RBMS3: variants seen among roughly 807,000 people sequenced by gnomAD.
The protein encoded by RBMS3 is RNA-binding motif, single-stranded-interacting protein 3.
In RBMS3, 27 loss-of-function variants were observed where a neutral mutation model predicts 66.8. The ratio of observed to expected loss-of-function variants is 0.40; its 90% CI spans 0.30 to 0.56. The LOEUF (loss-of-function observed/expected upper bound fraction) is 0.56. Ranked by LOEUF, RBMS3 falls within the 20% of genes least tolerant of loss-of-function variation. RBMS3 has a pLI of 0.40. For missense variants in RBMS3, 513 were observed against 549.5 expected (o/e 0.93, Z 0.66); for synonymous variants, 188 against 183.0 (o/e 1.03, Z -0.22).
chr3:29,637,820 A>G (rs937883198), intron 4 of RBMS3, among the ~76,000 whole-genome samples: 10 of 151,898 alleles, frequency 6.6e-5, no homozygotes, highest in Admixed American at 1.3e-4. Flanking sequence ...CTCTTTATCA[A>G]ATAGGACTAA....
At chr3:29,916,738 A>G (rs2060647557) in intron 10 of RBMS3, among the ~76,000 whole-genome samples, 1 of 152,076 alleles carries the variant, frequency 6.6e-6, no homozygotes, top group African/African-American at 2.4e-5. Context: ...TTGTATTTCC[A>G]GAAAAAAATG....
At chr3:29,612,908 G>T (rs1030881012) in intron 4 of RBMS3, among the ~76,000 whole-genome samples, 1 of 152,036 alleles carries the variant, frequency 6.6e-6, no homozygotes, top group Non-Finnish European at 1.5e-5. Context: ...AAATTGCATA[G>T]GTATCATATT....
intron 5 of RBMS3, among the ~76,000 whole-genome samples, chr3:29,756,884 T>G (rs1256550007): frequency 6.6e-6 from 1 of 152,202 alleles, no homozygotes; most frequent in Non-Finnish European, 1.5e-5. Flanking sequence ...GTAGCCTCTC[T>G]GGGCTCACTA....
At chr3:29,797,686 G>A (rs566364880) in intron 6 of RBMS3, 6 of 152,172 alleles carry the variant, frequency 3.9e-5, no homozygotes, top group Non-Finnish European at 8.8e-5. Context: ...ATTTAAAGCT[G>A]TGAGGGTATT....
intron 5 of RBMS3, among the ~76,000 whole-genome samples, chr3:29,752,561 A>G (rs1433269534): frequency 6.6e-6 from 1 of 152,208 alleles, no homozygotes; most frequent in Non-Finnish European, 1.5e-5. Flanking sequence ...TCTTTAAGAC[A>G]ATTAATTGGA....
rs757979871 is a variant in RBMS3 at position 29,517,321 on chromosome 3, T to A, written c.307+28822T>A. 2.4e-3 allele frequency among the ~76,000 whole-genome samples: 270 copies of A among 111,594 alleles called. 1 individual carries two copies. The highest frequency in any genetic ancestry group is 4.9e-3 in the African/African-American group (119 of 24,502). The allele number at this position is 111,594 out of a possible 152,430, so 73.2% of individuals were successfully genotyped here. On this transcript the variant is annotated intron_variant, in intron 3 of 14. Coordinates refer to ENST00000383767, the MANE Select transcript of RBMS3 (RefSeq NM_001003793.3). ...TGTGTGTGTGTGTATATATATATAT[T>A]TTTTTTTTGTTTTTTTTTTGAAACA...
chr3:29,974,321 T>C (rs1246826327), intron 12 of RBMS3, among the ~76,000 whole-genome samples: 1 of 151,986 alleles, frequency 6.6e-6, no homozygotes, highest in Non-Finnish European at 1.5e-5. Context: ...GTTGGTACCT[T>C]ACAAATCTCC....
intron 8 of RBMS3, among the ~76,000 whole-genome samples, chr3:29,887,593 C>T (rs959457968): frequency 6.6e-6 from 1 of 151,690 alleles, no homozygotes; most frequent in African/African-American, 2.4e-5. Context: ...ACCTCTATTC[C>T]TTTATAAATT....
At chr3:29,980,722 T>A (rs1443012788) in intron 12 of RBMS3, among the ~76,000 whole-genome samples, 1 of 152,184 alleles carries the variant, frequency 6.6e-6, no homozygotes, top group African/African-American at 2.4e-5. Flanking sequence ...TTGTCAGGTT[T>A]GTCGAAGATA....
chr3:29,422,549 T>A (rs1277608697), intron 1 of RBMS3, among the ~76,000 whole-genome samples: 1 of 152,086 alleles, frequency 6.6e-6, no homozygotes, highest in Non-Finnish European at 1.5e-5. Context: ...TAGAGGTTTA[T>A]AATTAAGAGC....
chr3:29,933,061 GC>G (rs1301280435), intron 10 of RBMS3, among the ~76,000 whole-genome samples: 3 of 152,162 alleles, frequency 2.0e-5, no homozygotes, highest in Non-Finnish European at 4.4e-5. Flanking sequence ...ATCCAGAGAT[GC>G]TAAAATGAAA....
At chr3:29,682,307 A>C (rs1328916151) in intron 4 of RBMS3, among the ~76,000 whole-genome samples, 1 of 152,108 alleles carries the variant, frequency 6.6e-6, no homozygotes, top group Admixed American at 6.5e-5. Context: ...CACCATGTCC[A>C]GGTAATTTTT....
At chr3:29,300,760 G>A (rs375682580) in intron 1 of RBMS3, among the ~76,000 whole-genome samples, 77 of 152,004 alleles carry the variant, frequency 5.1e-4, no homozygotes, top group African/African-American at 1.6e-3. Context: ...AAAATGATAA[G>A]AAATTAAGAG....
At chr3:29,810,457 A>G (rs1290248703) in intron 6 of RBMS3, among the ~76,000 whole-genome samples, 3 of 151,948 alleles carry the variant, frequency 2.0e-5, no homozygotes, top group African/African-American at 7.3e-5. Context: ...GACATTTCAA[A>G]TGCACATATA....
At chr3:29,773,942 C>G (rs989039963) in intron 6 of RBMS3, among the ~76,000 whole-genome samples, 1 of 152,040 alleles carries the variant, frequency 6.6e-6, no homozygotes, top group Non-Finnish European at 1.5e-5. Context: ...ACTTCCTGGT[C>G]CCAATTCCCA....
intron 3 of RBMS3, among the ~76,000 whole-genome samples, chr3:29,530,910 G>T (rs983483249): frequency 6.6e-6 from 1 of 151,702 alleles, no homozygotes; most frequent in East Asian, 1.9e-4. Flanking sequence ...TACATAATCT[G>T]ATCTAAAAGG....
chr3:29,348,146 C>A (rs2036689365), intron 1 of RBMS3, among the ~76,000 whole-genome samples: 2 of 152,146 alleles, frequency 1.3e-5, no homozygotes, highest in African/African-American at 4.8e-5. Flanking sequence ...CGGGATGCTG[C>A]ATACTTGAAA....
intron 6 of RBMS3, among the ~76,000 whole-genome samples, chr3:29,848,940 G>T (rs772315809): frequency 4.6e-5 from 7 of 152,082 alleles, no homozygotes; most frequent in Non-Finnish European, 4.4e-5. Context: ...GCTAGAATTT[G>T]CTCCTTGAAG....
At chr3:29,559,187 G>A (rs896707465) in intron 3 of RBMS3, among the ~76,000 whole-genome samples, 1 of 151,772 alleles carries the variant, frequency 6.6e-6, no homozygotes, top group South Asian at 2.1e-4. Context: ...TCTTTTTACT[G>A]TATTTTCTAA....
Sources: allele counts gnomAD v4.1 joint callset (sites outside exome capture counted in the v4.1 genomes callset), GRCh38; gene constraint gnomAD v4.1.1; transcripts MANE v1.5; gene names NCBI Gene and HGNC (gene_info 2026-07-23, HGNC 2026-07-21).